UMAD1: variants seen among roughly 807,000 people sequenced by gnomAD.
UMAD1 encodes UBAP1-MVB12-associated (UMA) domain containing 1, also known as UBAP1-MVB12-associated (UMA)-domain containing protein 1.
UMAD1 carries 8 observed loss-of-function variants against 6.1 expected under a neutral mutation model. That is an observed-to-expected ratio of 1.30 (90% CI 0.76 to 2.35). The LOEUF is 2.35. Among genes scored for constraint, UMAD1 ranks in the 30% most tolerant of loss-of-function variants. The pLI is 0.00. For missense variants in UMAD1, 130 were observed against 78.4 expected, an observed-to-expected ratio of 1.66 and a Z score of -2.49; for synonymous variants, 56 against 31.4, an observed-to-expected ratio of 1.78 and a Z score of -2.61.
intron 3 of UMAD1, among the ~76,000 whole-genome samples, chr7:7,838,314 G>A (rs181586048): frequency 1.3e-5 from 2 of 152,212 alleles, no homozygotes; most frequent in Admixed American, 1.3e-4. Flanking sequence ...GAAATAGAGA[G>A]TAAAAATTAG....
chr7:7,774,664 C>A (rs2115245960), intron 2 of UMAD1, among the ~76,000 whole-genome samples: 1 of 152,286 alleles, frequency 6.6e-6, no homozygotes, highest in East Asian at 1.9e-4. Flanking sequence ...TGTGAGTGCT[C>A]TTAAAGCTGT....
chr7:7,686,460 T>G (rs1780043534), intron 2 of UMAD1, among the ~76,000 whole-genome samples: 1 of 152,208 alleles, frequency 6.6e-6, no homozygotes, highest in South Asian at 2.1e-4. Flanking sequence ...TTTAAAAATG[T>G]AGATAATTTT....
chr7:7,662,995 T>C (rs1785511886), intron 1 of UMAD1, among the ~76,000 whole-genome samples: 1 of 124,458 alleles, frequency 8.0e-6, no homozygotes, highest in South Asian at 2.7e-4. Context: ...TAAAGAAGTG[T>C]GTGAGTGCTT....
intron 3 of UMAD1, among the ~76,000 whole-genome samples, chr7:7,824,570 A>T (rs1013689489): frequency 6.6e-6 from 1 of 152,054 alleles, no homozygotes; most frequent in Admixed American, 6.6e-5. Flanking sequence ...CTGCTATCCT[A>T]CTTGAGCTTT....
intron 2 of UMAD1, chr7:7,738,996 A>C (rs1182282438): frequency 1.3e-5 from 2 of 151,864 alleles, no homozygotes. Flanking sequence ...TTGAAAGAAC[A>C]GGGAGAAATT....
intron 2 of UMAD1, among the ~76,000 whole-genome samples, chr7:7,734,059 C>T (rs994595338): frequency 6.6e-6 from 1 of 152,062 alleles, no homozygotes; most frequent in Non-Finnish European, 1.5e-5. Flanking sequence ...TATTCTCCCC[C>T]CCGCAACCAA....
intron 1 of UMAD1, among the ~76,000 whole-genome samples, chr7:7,669,206 G>A (rs1458332176): frequency 1.3e-5 from 2 of 152,096 alleles, no homozygotes. Context: ...TGTCTACTTG[G>A]GATCTTGGAA....
At chr7:7,779,971 A>G (rs771546704) in intron 2 of UMAD1, among the ~76,000 whole-genome samples, 1 of 152,224 alleles carries the variant, frequency 6.6e-6, no homozygotes, top group South Asian at 2.1e-4. Context: ...TAATTTGCCA[A>G]GCTCTACAAA....
chr7:7,797,176 GA>G (rs1423853016), intron 2 of UMAD1, among the ~76,000 whole-genome samples: 1 of 152,122 alleles, frequency 6.6e-6, no homozygotes, highest in African/African-American at 2.4e-5. Flanking sequence ...GGCAAGAGTG[GA>G]AGCAAGAGAA....
At chr7:7,853,318 A>G (rs1163096944) in intron 3 of UMAD1, among the ~76,000 whole-genome samples, 1 of 152,206 alleles carries the variant, frequency 6.6e-6, no homozygotes, top group Non-Finnish European at 1.5e-5. Flanking sequence ...TGGCAATTCC[A>G]TATGGATTTT....
intron 1 of UMAD1, among the ~76,000 whole-genome samples, chr7:7,651,775 C>T (rs1028048406): frequency 6.6e-6 from 1 of 152,128 alleles, no homozygotes; most frequent in Non-Finnish European, 1.5e-5. Flanking sequence ...TTGGGTCTTC[C>T]GAGACTCAGA....
chr7:7,799,421 G>T (rs1782754335), intron 2 of UMAD1, among the ~76,000 whole-genome samples: 1 of 152,168 alleles, frequency 6.6e-6, no homozygotes, highest in African/African-American at 2.4e-5. Context: ...TAACCTTTCT[G>T]GTTTTTCAAG....
chr7:7,860,311 A>G (rs1784089371), intron 3 of UMAD1, among the ~76,000 whole-genome samples: 3 of 152,192 alleles, frequency 2.0e-5, no homozygotes, highest in African/African-American at 4.8e-5. Flanking sequence ...AAATAAGTTT[A>G]TAATTCAAAA....
intron 1 of UMAD1, among the ~76,000 whole-genome samples, chr7:7,653,753 G>C (rs1467562384): frequency 6.6e-6 from 1 of 152,198 alleles, no homozygotes; most frequent in Non-Finnish European, 1.5e-5. Context: ...TTCTTGTAAT[G>C]TCTTGGTTCT....
At chr7:7,720,038 G>A (rs532903700) in intron 2 of UMAD1, among the ~76,000 whole-genome samples, 138 of 152,268 alleles carry the variant, frequency 9.1e-4, no homozygotes, top group African/African-American at 3.2e-3. Context: ...GAGGGACTTG[G>A]TAAGCATGAA....
intron 1 of UMAD1, among the ~76,000 whole-genome samples, chr7:7,661,790 A>T (rs1254016980): frequency 1.3e-5 from 2 of 152,040 alleles, no homozygotes; most frequent in Admixed American, 1.3e-4. Context: ...GGTGTCAGGG[A>T]CCCACTTGAG....
intron 2 of UMAD1, among the ~76,000 whole-genome samples, chr7:7,708,876 G>T (rs2115166453): frequency 6.6e-6 from 1 of 151,906 alleles, no homozygotes; most frequent in South Asian, 2.1e-4. Context: ...GCAGTTGTAT[G>T]TTTTTAAGAA....
intron 3 of UMAD1, among the ~76,000 whole-genome samples, chr7:7,805,351 AT>A (rs57478283): frequency 0.91 from 138,389 of 152,140 alleles, 63,037 homozygotes; most frequent in Middle Eastern, 0.97. Context: ...TTTAGAACCA[AT>A]TCCCCCTGAG....
rs1783435641 is a variant in UMAD1 at position 7,830,262 on chromosome 7, T to C, written c.156+28519T>C. Reference sequence around the variant, plus strand: ...CATGCGTTGTAATCACACGGCTCTCTGTCTGCTTGCTAAAGATTGAGTGTG... The same window carrying C: ...CATGCGTTGTAATCACACGGCTCTCCGTCTGCTTGCTAAAGATTGAGTGTG... On this transcript the variant is annotated intron_variant, in intron 3 of 3. Transcript: ENST00000682710. The surrounding 1 kb of genome is among the most constrained non-coding windows in gnomAD (Gnocchi z 5.3). 6.6e-6 allele frequency among the ~76,000 whole-genome samples: 1 copy of C among 152,106 alleles called. No individual in the cohort carries two copies.
Sources: gnomAD v4.1 joint callset for allele counts (sites outside exome capture counted in the v4.1 genomes callset) on GRCh38, gnomAD v4.1.1 for gene constraint, Gnocchi (gnomAD v3.1) non-coding constraint, MANE v1.5 for transcripts, NCBI Gene and HGNC (gene_info 2026-07-23, HGNC 2026-07-21) for gene names.